NAALADL2: variants seen among roughly 807,000 people sequenced by gnomAD.
NAALADL2 encodes N-acetylated alpha-linked acidic dipeptidase like 2, also known as inactive N-acetylated-alpha-linked acidic dipeptidase-like protein 2.
NAALADL2 carries 76 observed loss-of-function variants against 87.2 expected under a neutral mutation model. That is an observed-to-expected ratio of 0.87 (90% CI 0.72 to 1.05). The LOEUF (loss-of-function observed/expected upper bound fraction) is 1.05, where lower values mean the gene tolerates loss of function less well. NAALADL2 is among the 50% of genes least tolerant of loss of function. NAALADL2 has a pLI of 0.00. For missense variants in NAALADL2, 1,089 were observed against 945.8 expected (o/e 1.15, Z -1.99); for synonymous variants, 354 against 331.0 (o/e 1.07, Z -0.75).
At chr3:174,834,797 AAATG>A (rs1723141672) in intron 3 of NAALADL2, among the ~76,000 whole-genome samples, 1 of 151,796 alleles carries the variant, frequency 6.6e-6, no homozygotes, top group Admixed American at 6.6e-5. Context: ...GTATATAAAT[AAATG>A]AAGAGATAAG....
At chr3:175,302,846 G>A (rs1056077841) in intron 4 of NAALADL2, among the ~76,000 whole-genome samples, 5 of 143,412 alleles carry the variant, frequency 3.5e-5, no homozygotes, top group Non-Finnish European at 7.6e-5. Flanking sequence ...ATATGTGTGT[G>A]TATGTGTGTG....
In NAALADL2 at chr3:175,718,428, A is replaced by AG. The variant is rs535800432; in HGVS notation, c.1897-18872dup. The AG allele has an allele frequency of 4.3e-4, 687 of 1,586,268 alleles. 4 individuals carry two copies. The African/African-American group carries it at 7.9e-3, about 18-fold the overall frequency. The stretch of plus-strand genomic sequence containing the variant: ...TTAATTTTTGTTACAAATCTTAAAA[A>AG]GGGGGGTGCTTCTGGGTATTTAGGT... On this transcript the variant is annotated intron_variant, in intron 11 of 13. Coordinates refer to ENST00000454872, the MANE Select transcript of NAALADL2 (RefSeq NM_207015.3).
intron 4 of NAALADL2, among the ~76,000 whole-genome samples, chr3:175,306,676 A>G (rs1757765853): frequency 1.3e-5 from 2 of 151,030 alleles, no homozygotes; most frequent in South Asian, 4.2e-4. Flanking sequence ...AAATACAAAC[A>G]AACAAACAAA....
chr3:174,923,212 A>G (rs147385395), intron 1 of NAALADL2, among the ~76,000 whole-genome samples: 44 of 152,304 alleles, frequency 2.9e-4, no homozygotes, highest in East Asian at 7.7e-4. Context: ...CCAATTTTTC[A>G]TCTTAAGCTC....
chr3:175,519,893 C>T (rs1169328820), intron 9 of NAALADL2, among the ~76,000 whole-genome samples: 1 of 152,104 alleles, frequency 6.6e-6, no homozygotes, highest in East Asian at 1.9e-4. Flanking sequence ...CACTAGGATA[C>T]GCAATTAATG....
At chr3:174,660,227 C>A (rs542760819) in intron 2 of NAALADL2, among the ~76,000 whole-genome samples, 1 of 152,168 alleles carries the variant, frequency 6.6e-6, no homozygotes, top group East Asian at 1.9e-4. Flanking sequence ...ATTACACTTG[C>A]AAATTTAGTT....
chr3:175,563,037 T>C (rs1474961884), intron 9 of NAALADL2, among the ~76,000 whole-genome samples: 1 of 151,990 alleles, frequency 6.6e-6, no homozygotes, highest in Admixed American at 6.6e-5. Context: ...TAATAAGTGC[T>C]TTACACTAGA....
intron 11 of NAALADL2, among the ~76,000 whole-genome samples, chr3:175,651,046 T>G (rs1730690338): frequency 6.6e-6 from 1 of 152,212 alleles, no homozygotes; most frequent in Non-Finnish European, 1.5e-5. Flanking sequence ...AACTTGTTAT[T>G]ACAATGTCTA....
chr3:175,664,510 C>G (rs1400540317), intron 11 of NAALADL2, among the ~76,000 whole-genome samples: 1 of 152,038 alleles, frequency 6.6e-6, no homozygotes, highest in Non-Finnish European at 1.5e-5. Flanking sequence ...TCTTCAGTAT[C>G]TATAGTGCCT....
At chr3:174,949,790 A>G (rs1740042186) in intron 1 of NAALADL2, among the ~76,000 whole-genome samples, 1 of 152,212 alleles carries the variant, frequency 6.6e-6, no homozygotes, top group Non-Finnish European at 1.5e-5. Context: ...ACATTCAACA[A>G]CAGAATATGT....
chr3:175,669,006 G>A (rs1284310110), intron 11 of NAALADL2, among the ~76,000 whole-genome samples: 2 of 152,064 alleles, frequency 1.3e-5, no homozygotes, highest in African/African-American at 2.4e-5. Flanking sequence ...ATGGAGAAGA[G>A]AGGCTTAAAA....
rs114555886 is a variant in NAALADL2 at position 175,612,804 on chromosome 3, C to T, written c.1801-14487C>T. 6.0e-3 allele frequency among the ~76,000 whole-genome samples: 920 copies of T among 152,220 alleles called. 6 individuals are homozygous for T. The highest frequency in any genetic ancestry group is 0.021 in the African/African-American group (863 of 41,562). On this transcript the variant is annotated intron_variant, in intron 10 of 13. Transcript: ENST00000454872. ...TGAGACAATTTCTCCTCCTCACCACCCCAAATTTGAGAATATCATTTTTTC... is the reference window on the plus strand; with the variant it reads ...TGAGACAATTTCTCCTCCTCACCACTCCAAATTTGAGAATATCATTTTTTC...
intron 2 of NAALADL2, among the ~76,000 whole-genome samples, chr3:174,602,133 T>G (rs1317787351): frequency 2.0e-5 from 3 of 152,074 alleles, no homozygotes; most frequent in Non-Finnish European, 4.4e-5. Flanking sequence ...ATTTAAGGAT[T>G]GTTTTATTTT....
intron 9 of NAALADL2, among the ~76,000 whole-genome samples, chr3:175,515,166 T>G (rs139818594): frequency 7.2e-5 from 11 of 152,324 alleles, no homozygotes; most frequent in African/African-American, 2.4e-4. Context: ...TCAATTTTTG[T>G]GGATTTGTAG....
intron 3 of NAALADL2, among the ~76,000 whole-genome samples, chr3:174,776,675 T>G (rs1386466197): frequency 6.6e-6 from 1 of 152,174 alleles, no homozygotes; most frequent in Non-Finnish European, 1.5e-5. Context: ...CAGGCACATA[T>G]TGCTTTTAGT....
At chr3:174,843,606 G>A (rs555843017) in intron 3 of NAALADL2, among the ~76,000 whole-genome samples, 75 of 152,208 alleles carry the variant, frequency 4.9e-4, no homozygotes, top group Middle Eastern at 3.4e-3. Context: ...ATTTAATGAG[G>A]AACCTCTATA....
chr3:175,205,404 T>G (rs1053150586), intron 2 of NAALADL2, among the ~76,000 whole-genome samples: 2 of 152,158 alleles, frequency 1.3e-5, no homozygotes, highest in Non-Finnish European at 2.9e-5. Context: ...TGTAGGAGAA[T>G]GAAACTGGAT....
At chr3:175,697,763 G>A (rs1039636880) in intron 11 of NAALADL2, among the ~76,000 whole-genome samples, 10 of 144,946 alleles carry the variant, frequency 6.9e-5, no homozygotes, top group Non-Finnish European at 1.5e-4. Context: ...GTAAATGTAT[G>A]TATACATATA....
At chr3:174,657,041 CTTTTTTTT>C (rs60569510) in intron 2 of NAALADL2, among the ~76,000 whole-genome samples, 1 of 115,818 alleles carries the variant, frequency 8.6e-6, no homozygotes, top group African/African-American at 3.5e-5. Context: ...TTTCCTTCTT[CTTTTTTTT>C]TTTTTTTTTT....
Sources: gnomAD v4.1 joint callset for allele counts (sites outside exome capture counted in the v4.1 genomes callset) on GRCh38, gnomAD v4.1.1 for gene constraint, MANE v1.5 for transcripts, NCBI Gene and HGNC (gene_info 2026-07-23, HGNC 2026-07-21) for gene names.